KCNC4: variants seen among roughly 807,000 people sequenced by gnomAD.
KCNC4 encodes potassium voltage-gated channel subfamily C member 4, also known as voltage-gated potassium channel KCNC4.
Under a neutral mutation model 42.8 loss-of-function variants are expected in KCNC4, and 23 were observed. The ratio of observed to expected loss-of-function variants is 0.54; its 90% CI spans 0.39 to 0.76. KCNC4 has a LOEUF of 0.76. KCNC4 is among the 30% of genes least tolerant of loss of function. The probability of loss-of-function intolerance (pLI) is 0.00; values close to 1 mark genes in which losing one functional copy is unlikely to be tolerated. For synonymous variants in KCNC4, 422 were observed against 393.5 expected, an observed-to-expected ratio of 1.07 and a Z score of -0.86; for missense variants, 751 against 898.2, an observed-to-expected ratio of 0.84 and a Z score of 2.10.
At chr1:110,216,473 T>G (rs1282713656) in intron 1 of KCNC4, among the ~76,000 whole-genome samples, 1 of 152,238 alleles carries the variant, frequency 6.6e-6, no homozygotes, top group Non-Finnish European at 1.5e-5. Context: ...TTTGTTTTCT[T>G]CTCTTGTTCT....
At chr1:110,230,749 T>G (rs918363611) in intron 3 of KCNC4, among the ~76,000 whole-genome samples, 1 of 152,162 alleles carries the variant, frequency 6.6e-6, no homozygotes, top group Non-Finnish European at 1.5e-5. Context: ...AGAACCCAGA[T>G]AGCAGGAGGG....
At chr1:110,252,334 A>G (rs1251744231), downstream of KCNC4, among the ~76,000 whole-genome samples, 3 of 152,208 alleles carry the variant, frequency 2.0e-5, no homozygotes, top group Non-Finnish European at 4.4e-5. Context: ...ACCAGAGAAC[A>G]GTCCTCTCTG....
At position 110,217,093 on chromosome 1, in the gene KCNC4, G is replaced by A. The variant is rs539119654; in HGVS notation, c.678+4916G>A. Among the ~76,000 whole-genome samples the A allele has an allele frequency of 7.2e-5, 11 of 152,254 alleles. 1 individual carries two copies. In the South Asian group the frequency reaches 1.9e-3, roughly 26 times the overall value. ...CTAGAAATCCAAAGATGAGTCAGAG[G>A]GGGCCATGCTCCTGACAAAAGCCAA... On this transcript the variant is annotated intron_variant, in intron 1 of 3. Coordinates refer to ENST00000438661, the MANE Select transcript of KCNC4 (RefSeq NM_001039574.3).
chr1:110,217,410 A>G (rs375156458), intron 1 of KCNC4, among the ~76,000 whole-genome samples: 1 of 152,180 alleles, frequency 6.6e-6, no homozygotes, highest in East Asian at 1.9e-4. Flanking sequence ...ATAAATAAAT[A>G]AAATTTCCAT....
intron 3 of KCNC4, 60 bp downstream of exon 3, chr1:110,226,238 C>G (rs1308773390): frequency 6.6e-7 from 1 of 1,504,382 alleles, no homozygotes; most frequent in Admixed American, 1.7e-5. Context: ...TCCCGAGTCC[C>G]CCACCAAGAG....
chr1:110,211,990 C>T lies in KCNC4; in HGVS notation c.491C>T (p.Pro164Leu). Residue 164 changes from proline (P) to leucine (L), a missense_variant, in exon 1 of 4, where the codon CCG becomes CTG. By Grantham distance (98) the Pro-to-Leu change is moderately conservative. Transcript: ENST00000438661. This position sits in a 1 kb window ranked among gnomAD's most constrained non-coding sequence, Gnocchi z 6.5. ...AEEALDIFES[P>L]DGGGSGAGPS... ...GAGGCGCTCGACATCTTCGAGAGCC[C>T]GGACGGAGGCGGCAGCGGCGCGGGG... 6.2e-7 allele frequency: 1 copy of T among 1,608,274 alleles called. No homozygotes were observed. Among genetic ancestry groups the T allele is most frequent in the Non-Finnish European group, 8.5e-7 (1 of 1,178,466 alleles).
chr1:110,276,299 CAAA>C (rs3062031), intron 1 of KCNC4, among the ~76,000 whole-genome samples: 5,679 of 98,872 alleles, frequency 0.057, 92 homozygotes, highest in East Asian at 0.17. Flanking sequence ...TCAATTTATA[CAAA>C]AAAAAAAAAA....
chr1:110,273,239 C>T (rs1407580867), intron 1 of KCNC4, among the ~76,000 whole-genome samples: 1 of 152,168 alleles, frequency 6.6e-6, no homozygotes, highest in Admixed American at 6.5e-5. Context: ...GGTTCCTTTA[C>T]TCATTTATTG....
chr1:110,222,846 C>A, intron 1 of KCNC4, 118 bp from the exon 2 acceptor site: 1 of 709,650 alleles, frequency 1.4e-6, no homozygotes, highest in South Asian at 1.8e-5. Flanking sequence ...ATACGTTAAT[C>A]CCACCTCTCA....
At chr1:110,213,543 G>A (rs1459007372) in intron 1 of KCNC4, among the ~76,000 whole-genome samples, 5 of 152,234 alleles carry the variant, frequency 3.3e-5, no homozygotes, top group Non-Finnish European at 7.3e-5. Flanking sequence ...TGCATCTTCT[G>A]CCTGGAAGAG....
chr1:110,233,073 G>T lies in KCNC4; in HGVS notation c.*101G>T. On this transcript the variant is annotated 3_prime_UTR_variant, in exon 4 of 4. Coordinates refer to ENST00000438661, the MANE Select transcript of KCNC4 (RefSeq NM_001039574.3). The stretch of plus-strand genomic sequence containing the variant: ...GAATCTTTTCGCTGGGAAAGACTCA[G>T]ATATCCTTGTTTGCACAGGACTGGT... 1.4e-6 allele frequency: 2 copies of T among 1,433,624 alleles called. No homozygotes were observed. Among genetic ancestry groups the T allele is most frequent in the Non-Finnish European group, 1.9e-6 (2 of 1,050,272 alleles). 88.8% of individuals were successfully genotyped at this position (1,433,624 alleles called of 1,614,324 possible).
At chr1:110,269,403 G>A (rs1037730263) in intron 1 of KCNC4, among the ~76,000 whole-genome samples, 4 of 151,978 alleles carry the variant, frequency 2.6e-5, no homozygotes, top group Admixed American at 6.6e-5. Flanking sequence ...CTCTGGTTTC[G>A]CCTTTCCCAG....
Position 110,210,709 on chromosome 1 carries a change from C to G in KCNC4, c.-791C>G, listed in dbSNP as rs1259940210. 6.6e-6 allele frequency among the ~76,000 whole-genome samples: 1 copy of G among 151,296 alleles called. No individual in the cohort carries two copies. Among genetic ancestry groups the G allele is most frequent in the Non-Finnish European group, 1.5e-5 (1 of 67,738 alleles). On this transcript the variant is annotated 5_prime_UTR_variant, in exon 1 of 4. Transcript: ENST00000438661. The stretch of plus-strand genomic sequence containing the variant: ...GAGGCACCCCCGCCCCAGCGCGGCC[C>G]CCGCAGCGCTGCGCCCGGTCCGGCG...
At chr1:110,218,717 T>C (rs1657937685) in intron 1 of KCNC4, among the ~76,000 whole-genome samples, 1 of 152,176 alleles carries the variant, frequency 6.6e-6, no homozygotes, top group African/African-American at 2.4e-5. Context: ...GCAGGTCTCA[T>C]ATGCAGTCAG....
At chr1:110,225,708 A>C (rs1179217721) in intron 2 of KCNC4, 1 of 396,372 alleles carries the variant, frequency 2.5e-6, no homozygotes, top group Non-Finnish European at 4.6e-6. Flanking sequence ...TTGGGGAGTC[A>C]CTGCTGTAGG....
Position 110,223,894 on chromosome 1 carries a change from C to T in KCNC4, c.1609C>T (p.Arg537Trp), listed in dbSNP as rs139444791. ...GGAAGAGGGTATGATCGAGAGGAAA[C>T]GGGCAGGTGAGATTAGGGGTTGGGA... is the stretch of plus-strand genomic sequence containing the variant. ...AREEGMIERK[R>W]ADSKQNGDAN... Residue 537 changes from arginine (R) to tryptophan (W), a missense_variant, in exon 2 of 4, where the codon CGG becomes TGG. By Grantham distance (101) the Arg-to-Trp change is moderately radical (BLOSUM62 -3). Transcript: ENST00000438661. The surrounding 1 kb of genome is among the most constrained non-coding windows in gnomAD (Gnocchi z 7.5). The T allele has an allele frequency of 3.4e-5, 54 of 1,588,282 alleles. No homozygotes were observed. The highest frequency in any genetic ancestry group is 6.7e-5 in the East Asian group (3 of 44,578).
intron 1 of KCNC4, among the ~76,000 whole-genome samples, chr1:110,267,968 A>G (rs1374301075): frequency 6.6e-6 from 1 of 152,244 alleles, no homozygotes; most frequent in Non-Finnish European, 1.5e-5. Context: ...GGCATAGTTA[A>G]GCAATAACCT....
intron 2 of KCNC4, chr1:110,224,385 G>C (rs932342021): frequency 6.3e-6 from 1 of 159,420 alleles, no homozygotes; most frequent in African/African-American, 2.4e-5. Flanking sequence ...CAGGGCAGCT[G>C]TTCTTCCAAG....
intron 1 of KCNC4, among the ~76,000 whole-genome samples, chr1:110,262,360 A>G (rs7553201): frequency 0.34 from 52,353 of 152,034 alleles, 9,429 homozygotes; most frequent in African/African-American, 0.43. Flanking sequence ...CACCCAGCCA[A>G]CCTCTGGCTT....
Sources: gnomAD v4.1 joint callset for allele counts (sites outside exome capture counted in the v4.1 genomes callset) on GRCh38, gnomAD v4.1.1 for gene constraint, Gnocchi (gnomAD v3.1) non-coding constraint, MANE v1.5 for transcripts, NCBI Gene and HGNC (gene_info 2026-07-23, HGNC 2026-07-21) for gene names.